Variants in CECR2 observed in about 807,000 individuals in gnomAD.
CECR2 encodes the protein CECR2 histone acetyl-lysine reader.
A neutral mutation model predicts 154.5 loss-of-function variants in CECR2; 30 were observed. The ratio of observed to expected loss-of-function variants is 0.19; its 90% CI spans 0.15 to 0.26. The LOEUF (loss-of-function observed/expected upper bound fraction) is 0.26, where lower values mean the gene tolerates loss of function less well. Among genes scored for constraint, CECR2 ranks in the 10% least tolerant of loss-of-function variants. The pLI, the probability that CECR2 is intolerant of heterozygous loss-of-function variation, is 1.00. For missense variants in CECR2, 1,743 were observed against 1,829.3 expected (o/e 0.95, Z 0.86); for synonymous variants, 725 against 683.7 (o/e 1.06, Z -0.94).
rs2063227096 is a variant in CECR2 at position 17,383,705 on chromosome 22, A to C, written c.126+13796A>C. Among the ~76,000 whole-genome samples the C allele has an allele frequency of 2.5e-5, 3 of 119,552 alleles. No individual in the cohort carries two copies. The South Asian group carries it at 7.8e-4, about 31-fold the overall frequency. 78.4% of individuals were successfully genotyped at this position (119,552 alleles called of 152,430 possible). ...GAAGTGGAGTCTTGCTCTATTGCCC[A>C]GGCTGGAGCGCAGTGGCAGTACGCT... is the stretch of plus-strand genomic sequence containing the variant. On this transcript the variant is annotated intron_variant, in intron 1 of 18. Coordinates refer to ENST00000262608, the MANE Select transcript of CECR2 (RefSeq NM_001290047.2).
chr22:17,464,904 T>G (rs1395305431), intron 1 of CECR2, among the ~76,000 whole-genome samples: 1 of 152,210 alleles, frequency 6.6e-6, no homozygotes, highest in African/African-American at 2.4e-5. Context: ...TTCTGAAAAT[T>G]TTTCTAAGTC....
chr22:17,368,857 G>T (rs769627556), upstream of CECR2, among the ~76,000 whole-genome samples: 2 of 151,936 alleles, frequency 1.3e-5, no homozygotes, highest in Non-Finnish European at 2.9e-5. Flanking sequence ...CCGCTCTCCA[G>T]CCTCCATCCT....
chr22:17,434,580 G>A (rs759618439), intron 1 of CECR2, among the ~76,000 whole-genome samples: 13 of 151,874 alleles, frequency 8.6e-5, no homozygotes, highest in African/African-American at 2.7e-4. Context: ...ATCACTTTCC[G>A]AGCAGTCTAG....
At chr22:17,402,711 A>G (rs191009054) in intron 1 of CECR2, among the ~76,000 whole-genome samples, 4 of 151,990 alleles carry the variant, frequency 2.6e-5, no homozygotes, top group Non-Finnish European at 5.9e-5. Flanking sequence ...TTAGATTCCA[A>G]CAGTTTCCCA....
intron 9 of CECR2, among the ~76,000 whole-genome samples, chr22:17,536,381 C>G (rs2056437799): frequency 6.6e-6 from 1 of 152,202 alleles, no homozygotes; most frequent in Non-Finnish European, 1.5e-5. Flanking sequence ...CTCCTTGTTC[C>G]CTGCAAGTGG....
intron 8 of CECR2, among the ~76,000 whole-genome samples, chr22:17,523,765 A>G (rs1277636456): frequency 7.4e-6 from 1 of 135,470 alleles, no homozygotes; most frequent in East Asian, 1.9e-4. Context: ...CAAAAAAAAA[A>G]AAAAAAAAAA....
rs1202071229 is a variant in CECR2 at position 17,551,959 on chromosome 22, TAC to T, written c.4278-70_4278-69del. ...GTGATGAAGGCAGTACCCTCGTGAC[TAC>T]AGTGTCTTGTTTCTTCTGTCGTTAA... On this transcript the variant is annotated intron_variant, in intron 17 of 18. Transcript: ENST00000262608. 47 of 1,420,894 alleles carry T rather than the reference TAC, an allele frequency of 3.3e-5. 1 individual carries two copies. The highest frequency in any genetic ancestry group is 4.2e-5 in the Non-Finnish European group (42 of 1,008,800). 88.0% of individuals were successfully genotyped at this position (1,420,894 alleles called of 1,614,324 possible).
At chr22:17,541,753 C>T (rs956011516) in intron 14 of CECR2, 86 bp from the exon 15 acceptor site, 19 of 1,465,616 alleles carry the variant, frequency 1.3e-5, no homozygotes, top group East Asian at 9.3e-5. Context: ...TTTAGTAGAA[C>T]GTTCATCTTC....
chr22:17,381,899 T>A (rs2063196629), intron 1 of CECR2, among the ~76,000 whole-genome samples: 1 of 150,208 alleles, frequency 6.7e-6, no homozygotes, highest in Admixed American at 6.6e-5. Context: ...TTTTTTTTGT[T>A]TTTTTTGAGA....
In CECR2 at chr22:17,484,520, G is replaced by GT. The variant is rs779536881; in HGVS notation, c.221+6846dup. 2.4e-3 allele frequency among the ~76,000 whole-genome samples: 357 copies of GT among 151,358 alleles called. 1 individual carries two copies. Among genetic ancestry groups the GT allele is most frequent in the African/African-American group, 8.1e-3 (336 of 41,236 alleles). On this transcript the variant is annotated intron_variant, in intron 2 of 18. Coordinates refer to ENST00000262608, the MANE Select transcript of CECR2 (RefSeq NM_001290047.2). ...CAGGAAAGACTGTTTTTCTGTTGTT[G>GT]TTTTTTTTAATTTTTTTTCCCCACC...
chr22:17,456,387 A>G (rs962175762), intron 1 of CECR2, among the ~76,000 whole-genome samples: 2 of 152,176 alleles, frequency 1.3e-5, no homozygotes, highest in African/African-American at 4.8e-5. Flanking sequence ...AAAAGGCAAT[A>G]TAGAACATTA....
intron 1 of CECR2, among the ~76,000 whole-genome samples, chr22:17,444,162 C>G (rs1245561354): frequency 6.6e-6 from 1 of 152,196 alleles, no homozygotes; most frequent in Non-Finnish European, 1.5e-5. Flanking sequence ...GTCACCCTCT[C>G]TTTCAGGCCC....
intron 1 of CECR2, among the ~76,000 whole-genome samples, chr22:17,476,138 C>T (rs558334954): frequency 2.0e-5 from 3 of 150,092 alleles, no homozygotes; most frequent in African/African-American, 7.3e-5. Context: ...TCATGCCCTG[C>T]CTCTCTCCAT....
chr22:17,457,176 C>T (rs773859260), intron 1 of CECR2, among the ~76,000 whole-genome samples: 4 of 152,242 alleles, frequency 2.6e-5, no homozygotes, highest in Admixed American at 1.3e-4. Flanking sequence ...TACAGACATA[C>T]GCCACCACGC....
intron 1 of CECR2, among the ~76,000 whole-genome samples, chr22:17,393,948 C>T (rs748241105): frequency 4.8e-5 from 7 of 144,398 alleles, no homozygotes; most frequent in Non-Finnish European, 1.0e-4. Flanking sequence ...AGTGCAATGG[C>T]GCGATCTCAG....
upstream of CECR2, among the ~76,000 whole-genome samples, chr22:17,367,476 C>T (rs1364944734): frequency 6.6e-6 from 1 of 152,014 alleles, no homozygotes; most frequent in Admixed American, 6.6e-5. Context: ...ATCTCTGCCT[C>T]CCGAGTTCAG....
At position 17,557,472 on chromosome 22, in the gene CECR2, A is replaced by G. The variant is rs559187305; in HGVS notation, c.*4632A>G. 4.6e-5 allele frequency: 7 copies of G among 152,312 alleles called. No individual in the cohort carries two copies. Among genetic ancestry groups the G allele is most frequent in the African/African-American group, 1.4e-4 (6 of 41,558 alleles). The allele number at this position is 152,312 out of a possible 1,614,324, so 9.4% of individuals were successfully genotyped here. A position where few individuals can be genotyped will look rare whatever the true frequency, so the allele number is the denominator to read the frequency against. ...CCTTCATTTTTTAAATTAAGCTGGG[A>G]CACAAGTTTTGCCTCCAGGCTGGAT... On this transcript the variant is annotated 3_prime_UTR_variant, in exon 19 of 19. Coordinates refer to ENST00000262608, the MANE Select transcript of CECR2 (RefSeq NM_001290047.2).
chr22:17,405,555 G>A (rs1242601189), intron 1 of CECR2, among the ~76,000 whole-genome samples: 3 of 147,306 alleles, frequency 2.0e-5, no homozygotes, highest in Non-Finnish European at 4.5e-5. Flanking sequence ...CAGGAGAATC[G>A]CTTGAACCTA....
intron 1 of CECR2, among the ~76,000 whole-genome samples, chr22:17,422,259 G>A (rs2054267088): frequency 1.3e-5 from 2 of 152,106 alleles, no homozygotes; most frequent in South Asian, 2.1e-4. Flanking sequence ...GTGCAGTGGC[G>A]CGATCTCGGC....
Sources: allele counts gnomAD v4.1 joint callset (sites outside exome capture counted in the v4.1 genomes callset), GRCh38; gene constraint gnomAD v4.1.1; transcripts MANE v1.5; gene names NCBI Gene and HGNC (gene_info 2026-07-23, HGNC 2026-07-21).